Variants in FLVCR2 observed in about 807,000 individuals in gnomAD.
The protein encoded by FLVCR2 is FLVCR choline and putative heme transporter 2.
In FLVCR2, 38 loss-of-function variants were observed where a neutral mutation model predicts 48.9. The observed-to-expected ratio is 0.78, with a 90% confidence interval of 0.60 to 1.02. The LOEUF (loss-of-function observed/expected upper bound fraction) is 1.02, where lower values mean the gene tolerates loss of function less well. Among genes scored for constraint, FLVCR2 ranks in the 50% least tolerant of loss-of-function variants. The pLI is 0.00. For synonymous variants in FLVCR2, 255 were observed against 257.0 expected (o/e 0.99, Z 0.07); for missense variants, 664 against 663.3 (o/e 1.00, Z -0.01).
intron 1 of FLVCR2, 88 bp downstream of exon 1, chr14:75,579,729 G>A (rs1888548066): frequency 7.1e-7 from 1 of 1,416,860 alleles, no homozygotes; most frequent in Non-Finnish European, 9.8e-7. Context: ...TTTGCTGATT[G>A]TCCAACAGTG....
chr14:75,638,574 C>G (rs1383272790), intron 5 of FLVCR2, among the ~76,000 whole-genome samples: 2 of 152,188 alleles, frequency 1.3e-5, no homozygotes, highest in Non-Finnish European at 2.9e-5. Flanking sequence ...ATAAAGCAGA[C>G]AAGCAGAATT....
chr14:75,629,955 C>G (rs1248161038), intron 3 of FLVCR2, among the ~76,000 whole-genome samples: 1 of 152,184 alleles, frequency 6.6e-6, no homozygotes, highest in Non-Finnish European at 1.5e-5. Context: ...GCTTCATGCC[C>G]CCTCTAAAAT....
At chr14:75,630,184 T>C (rs1208039451) in intron 3 of FLVCR2, among the ~76,000 whole-genome samples, 1 of 152,140 alleles carries the variant, frequency 6.6e-6, no homozygotes, top group Non-Finnish European at 1.5e-5. Context: ...TTCAGAAAGT[T>C]TGGGTTGGGG....
At chr14:75,641,357 T>C (rs975681844) in intron 8 of FLVCR2, 64 bp downstream of exon 8, 13 of 1,041,944 alleles carry the variant, frequency 1.2e-5, no homozygotes, top group South Asian at 5.0e-5. Flanking sequence ...AGTGTCTCGA[T>C]GGAGCAACAG....
Position 75,578,906 on chromosome 14 carries a change from G to C in FLVCR2, c.-67G>C. On this transcript the variant is annotated 5_prime_UTR_variant, in exon 1 of 10. Coordinates refer to ENST00000238667, the MANE Select transcript of FLVCR2 (RefSeq NM_017791.3). ...CTTTCAACTCTAAGAGACCAGCAGA[G>C]GCCACTGTCCCTTAAGACTGCCGGA... The C allele has an allele frequency of 7.0e-7, 1 of 1,433,030 alleles. No homozygotes were observed. Among genetic ancestry groups the C allele is most frequent in the Non-Finnish European group, 9.8e-7 (1 of 1,016,492 alleles). 88.8% of individuals were successfully genotyped at this position (1,433,030 alleles called of 1,614,324 possible). A position where few individuals can be genotyped will look rare whatever the true frequency, so the allele number is the denominator to read the frequency against.
At chr14:75,618,619 C>T (rs775895136) in intron 1 of FLVCR2, among the ~76,000 whole-genome samples, 69 of 152,304 alleles carry the variant, frequency 4.5e-4, no homozygotes, top group Non-Finnish European at 9.1e-4. Context: ...CCAAATGCTC[C>T]ATGTGCCCCG....
At chr14:75,626,711 G>T (rs550365682) in intron 3 of FLVCR2, among the ~76,000 whole-genome samples, 3 of 151,932 alleles carry the variant, frequency 2.0e-5, no homozygotes, top group Non-Finnish European at 4.4e-5. Context: ...TGTTGTAGGG[G>T]ATCTCAGGCT....
chr14:75,631,100 T>C (rs1890027287), intron 3 of FLVCR2, among the ~76,000 whole-genome samples: 1 of 152,174 alleles, frequency 6.6e-6, no homozygotes, highest in African/African-American at 2.4e-5. Context: ...TCAGAAAACA[T>C]ACATAAGCTC....
intron 1 of FLVCR2, among the ~76,000 whole-genome samples, chr14:75,615,030 C>T (rs1052629797): frequency 1.3e-5 from 2 of 152,144 alleles, no homozygotes; most frequent in African/African-American, 4.8e-5. Flanking sequence ...AGAGCCAAAC[C>T]AAATCAATGG....
At chr14:75,620,999 A>G (rs914333708) in intron 1 of FLVCR2, among the ~76,000 whole-genome samples, 1 of 152,146 alleles carries the variant, frequency 6.6e-6, no homozygotes, top group East Asian at 1.9e-4. Flanking sequence ...TTCACAAGCT[A>G]TTTTCCCATT....
At chr14:75,637,745 A>AG (rs1257887060) in intron 5 of FLVCR2, among the ~76,000 whole-genome samples, 4 of 148,782 alleles carry the variant, frequency 2.7e-5, no homozygotes, top group African/African-American at 1.0e-4. Flanking sequence ...AAAAAAAAAA[A>AG]GAAAGAAAAG....
intron 1 of FLVCR2, among the ~76,000 whole-genome samples, chr14:75,598,729 G>A (rs1238106004): frequency 2.0e-5 from 3 of 152,186 alleles, no homozygotes; most frequent in Non-Finnish European, 2.9e-5. Context: ...TGCTGCCTCC[G>A]CCTCCCACAG....
chr14:75,612,722 T>C (rs2140028549), intron 1 of FLVCR2, among the ~76,000 whole-genome samples: 1 of 152,322 alleles, frequency 6.6e-6, no homozygotes, highest in East Asian at 1.9e-4. Flanking sequence ...AGTTTTGCAG[T>C]GTCTCTCAGC....
At chr14:75,636,365 G>C (rs2140050294) in intron 5 of FLVCR2, among the ~76,000 whole-genome samples, 1 of 152,340 alleles carries the variant, frequency 6.6e-6, no homozygotes, top group South Asian at 2.1e-4. Flanking sequence ...GGGCTTGGCT[G>C]CCATCTCATC....
intron 1 of FLVCR2, among the ~76,000 whole-genome samples, chr14:75,601,655 A>G (rs1889169190): frequency 6.6e-6 from 1 of 152,222 alleles, no homozygotes; most frequent in African/African-American, 2.4e-5. Context: ...TAAAATTACC[A>G]TATGATCCAG....
intron 1 of FLVCR2, among the ~76,000 whole-genome samples, chr14:75,603,669 G>A (rs892393744): frequency 2.6e-5 from 4 of 152,286 alleles, no homozygotes; most frequent in Non-Finnish European, 5.9e-5. Flanking sequence ...AGCTAAAGGA[G>A]CGCAGTGTAA....
intron 1 of FLVCR2, among the ~76,000 whole-genome samples, chr14:75,582,128 C>T (rs1386427422): frequency 6.6e-6 from 1 of 152,074 alleles, no homozygotes; most frequent in Non-Finnish European, 1.5e-5. Context: ...TAAGCATTGC[C>T]CTGAGTGATG....
chr14:75,597,039 T>C (rs1889040320), intron 1 of FLVCR2, among the ~76,000 whole-genome samples: 1 of 152,114 alleles, frequency 6.6e-6, no homozygotes. Flanking sequence ...CCCAGCACTT[T>C]GGGAGGCTGA....
At chr14:75,586,338 T>C (rs1888748512) in intron 1 of FLVCR2, among the ~76,000 whole-genome samples, 1 of 152,140 alleles carries the variant, frequency 6.6e-6, no homozygotes, top group Non-Finnish European at 1.5e-5. Context: ...CAAAGTACAT[T>C]GATCAGTTAG....
Sources: gnomAD v4.1 joint callset for allele counts (sites outside exome capture counted in the v4.1 genomes callset) on GRCh38, gnomAD v4.1.1 for gene constraint, MANE v1.5 for transcripts, NCBI Gene and HGNC (gene_info 2026-07-23, HGNC 2026-07-21) for gene names.